Variants in C8orf34 observed in about 807,000 individuals in gnomAD.
C8orf34 encodes chromosome 8 open reading frame 34, also known as uncharacterized protein C8orf34.
C8orf34 carries 65 observed loss-of-function variants against 68.3 expected under a neutral mutation model. That is an observed-to-expected ratio of 0.95 (90% confidence interval 0.78 to 1.17). The LOEUF (loss-of-function observed/expected upper bound fraction) is 1.17, where lower values mean the gene tolerates loss of function less well. Ranked by LOEUF, C8orf34 falls within the 50% of genes most tolerant of loss-of-function variation. The pLI is 0.00. For synonymous variants in C8orf34, 244 were observed against 241.2 expected (o/e 1.01, Z -0.11); for missense variants, 664 against 655.4 (o/e 1.01, Z -0.14).
At chr8:68,434,173 A>G (rs969891702) in intron 1 of C8orf34, among the ~76,000 whole-genome samples, 1 of 152,160 alleles carries the variant, frequency 6.6e-6, no homozygotes, top group Non-Finnish European at 1.5e-5. Context: ...CATGTACAGA[A>G]CGTGCAGGTT....
intron 7 of C8orf34, among the ~76,000 whole-genome samples, chr8:68,631,268 A>T: frequency 6.6e-6 from 1 of 151,938 alleles, no homozygotes; most frequent in Middle Eastern, 3.4e-3. Context: ...TCTCAAAAAT[A>T]AAAATAAATA....
intron 4 of C8orf34, among the ~76,000 whole-genome samples, chr8:68,471,429 A>C (rs368986183): frequency 2.1e-4 from 32 of 152,308 alleles, no homozygotes; most frequent in African/African-American, 7.5e-4. Context: ...ATGAATACAA[A>C]TGCAGCTTTA....
At chr8:68,778,642 C>T (rs1256308912) in intron 11 of C8orf34, among the ~76,000 whole-genome samples, 1 of 151,934 alleles carries the variant, frequency 6.6e-6, no homozygotes, top group African/African-American at 2.4e-5. Flanking sequence ...TTATAATTGC[C>T]TACATTTCTT....
At chr8:68,783,825 CA>C (rs538527825) in intron 11 of C8orf34, among the ~76,000 whole-genome samples, 12 of 151,786 alleles carry the variant, frequency 7.9e-5, no homozygotes, top group Non-Finnish European at 1.6e-4. Flanking sequence ...TCAACTTTGG[CA>C]AAAAAAACTT....
intron 7 of C8orf34, among the ~76,000 whole-genome samples, chr8:68,537,722 C>T (rs994042436): frequency 3.3e-5 from 5 of 151,618 alleles, no homozygotes; most frequent in African/African-American, 1.2e-4. Flanking sequence ...TATCTCAGTC[C>T]CTTTTATTAC....
chr8:68,380,425 A>T (rs1040077161), intron 1 of C8orf34, among the ~76,000 whole-genome samples: 8 of 152,246 alleles, frequency 5.3e-5, no homozygotes, highest in Non-Finnish European at 1.0e-4. Flanking sequence ...TCACTGTGGA[A>T]ATTACTGTTT....
intron 1 of C8orf34, among the ~76,000 whole-genome samples, chr8:68,383,466 T>C (rs1168213455): frequency 6.6e-6 from 1 of 152,192 alleles, no homozygotes; most frequent in African/African-American, 2.4e-5. Context: ...CATTAATATT[T>C]AAAGTTCATA....
At chr8:68,525,480 C>T in intron 6 of C8orf34, 2 of 623,050 alleles carry the variant, frequency 3.2e-6, no homozygotes, top group Non-Finnish European at 5.6e-6. Flanking sequence ...TTTGGTTTCC[C>T]TCTGAGGCAT....
At chr8:68,419,371 C>T (rs1337021754) in intron 1 of C8orf34, among the ~76,000 whole-genome samples, 1 of 149,102 alleles carries the variant, frequency 6.7e-6, no homozygotes, top group Non-Finnish European at 1.5e-5. Context: ...CACTTTTACA[C>T]TGTTGGTGGG....
At chr8:68,692,230 C>A (rs1820705822) in intron 8 of C8orf34, among the ~76,000 whole-genome samples, 1 of 151,956 alleles carries the variant, frequency 6.6e-6, no homozygotes, top group Admixed American at 6.6e-5. Context: ...TTTTCTTGGA[C>A]ACGTATACCG....
At chr8:68,758,117 C>T (rs754421728) in intron 10 of C8orf34, among the ~76,000 whole-genome samples, 9 of 152,182 alleles carry the variant, frequency 5.9e-5, no homozygotes, top group African/African-American at 1.4e-4. Context: ...AATGAGACTC[C>T]GCCTTTGTCC....
At chr8:68,509,318 G>A (rs917366895) in intron 5 of C8orf34, among the ~76,000 whole-genome samples, 3 of 152,162 alleles carry the variant, frequency 2.0e-5, no homozygotes, top group African/African-American at 7.2e-5. Context: ...TTATTAGAAA[G>A]CATGTATCAA....
At chr8:68,619,365 T>C (rs1753262484) in intron 7 of C8orf34, among the ~76,000 whole-genome samples, 1 of 152,040 alleles carries the variant, frequency 6.6e-6, no homozygotes, top group Admixed American at 6.6e-5. Context: ...AGAGGTTGAA[T>C]TTTTATTGGC....
intron 10 of C8orf34, among the ~76,000 whole-genome samples, chr8:68,726,459 A>G (rs1214341432): frequency 6.6e-6 from 1 of 152,142 alleles, no homozygotes; most frequent in Non-Finnish European, 1.5e-5. Context: ...TGTGTCTAAG[A>G]AAAAAATATC....
At chr8:68,550,532 G>T (rs1816030526) in intron 7 of C8orf34, among the ~76,000 whole-genome samples, 1 of 151,654 alleles carries the variant, frequency 6.6e-6, no homozygotes, top group Non-Finnish European at 1.5e-5. Flanking sequence ...CAAAAGTTTT[G>T]ATTTCACCTT....
chr8:68,774,073 C>T (rs1189354179), intron 10 of C8orf34, among the ~76,000 whole-genome samples: 2 of 152,080 alleles, frequency 1.3e-5, no homozygotes, highest in Admixed American at 1.3e-4. Flanking sequence ...GCCAACCAGG[C>T]AAGCCTCCCA....
chr8:68,596,855 G>C (rs4433132), intron 7 of C8orf34, among the ~76,000 whole-genome samples: 87,710 of 151,980 alleles, frequency 0.58, 25,495 homozygotes, highest in African/African-American at 0.59. Flanking sequence ...CAGAACAAAA[G>C]GCTGACAAGG....
At chr8:68,554,312 G>A (rs1420434895) in intron 7 of C8orf34, among the ~76,000 whole-genome samples, 2 of 152,076 alleles carry the variant, frequency 1.3e-5, no homozygotes, top group Non-Finnish European at 2.9e-5. Context: ...CTGATCTTCT[G>A]TGAGAAATTT....
chr8:68,586,249 T>C (rs553109425), intron 7 of C8orf34, among the ~76,000 whole-genome samples: 2 of 152,286 alleles, frequency 1.3e-5, no homozygotes, highest in Non-Finnish European at 2.9e-5. Flanking sequence ...ATCATCAATA[T>C]TTCAAAGAAA....
Sources: allele counts gnomAD v4.1 joint callset (sites outside exome capture counted in the v4.1 genomes callset), GRCh38; gene constraint gnomAD v4.1.1; transcripts MANE v1.5; gene names NCBI Gene and HGNC (gene_info 2026-07-23, HGNC 2026-07-21).